The following SCN1A variants were observed in gnomAD, a reference collection of about 807,000 sequenced individuals.
The protein encoded by SCN1A is sodium voltage-gated channel alpha subunit 1.
In SCN1A, 13 loss-of-function variants were observed where a neutral mutation model predicts 193.7. The observed-to-expected ratio is 0.07, with a 90% CI of 0.04 to 0.11. The LOEUF is 0.11. SCN1A is among the 10% of genes least tolerant of loss of function. The pLI is 1.00. For missense variants in SCN1A, 1,432 were observed against 2,451.1 expected (o/e 0.58, Z 8.78); for synonymous variants, 781 against 843.6 (o/e 0.93, Z 1.29).
rs138376436 is a variant in SCN1A at position 166,037,938 on chromosome 2, T to G, written c.2784A>C (p.Gln928His). ...DCVCKIASDC[Q>H]LPRWHMNDFF... ...AGTCATTCATGTGCCAGCGTGGGAG[T>G]TGACAATCACTGGCGATCTTGCAGA... is the stretch of plus-strand genomic sequence containing the variant. The change falls in exon 18 of 29, where the codon CAA becomes CAC. Residue 928 changes from glutamine to histidine, a missense_variant. Physicochemically the swap from Gln to His is conservative, Grantham distance 24 (BLOSUM62 0). Coordinates refer to ENST00000674923, the MANE Select transcript of SCN1A (RefSeq NM_001165963.4). 8.7e-6 allele frequency: 14 copies of G among 1,613,816 alleles called. No individual in the cohort carries two copies. The African/African-American group carries it at 1.5e-4, about 17-fold the overall frequency.
chr2:166,001,887 T>C (rs1574001195), intron 24 of SCN1A, among the ~76,000 whole-genome samples: 1 of 141,660 alleles, frequency 7.1e-6, no homozygotes, highest in African/African-American at 2.6e-5. Flanking sequence ...CTCTTTTTTT[T>C]TTTTTTTTTT....
chr2:166,097,042 G>A (rs865953281), intron 2 of SCN1A, among the ~76,000 whole-genome samples: 1 of 151,274 alleles, frequency 6.6e-6, no homozygotes, highest in Middle Eastern at 3.2e-3. Flanking sequence ...TGTTTTTGGA[G>A]ACGGGGTCAG....
rs121918817 is a variant in SCN1A, at chr2:166,045,080, C to T, written c.1625G>A (p.Arg542Gln). The change falls in exon 13 of 29, where the codon CGA (arginine) becomes CAA (glutamine). Residue 542 changes from arginine to glutamine, a missense_variant. Arg to Gln is a conservative substitution (Grantham distance 43). Transcript: ENST00000674923. ...GGAGTACCTCTTTTCATATGTCAAT[C>T]GGTTCCCTTCAATGGAGAAGCGAAA... is the stretch of plus-strand genomic sequence containing the variant. ...KGFRFSIEGN[R>Q]LTYEKRYSSP... is the part of the protein sequence containing the mutation. 2,449 of 1,614,152 alleles carry T rather than the reference C, an allele frequency of 1.5e-3. 7 individuals are homozygous for T. Among genetic ancestry groups the T allele is most frequent in the Middle Eastern group, 3.3e-3 (20 of 6,062 alleles).
chr2:165,992,566 A>G lies in SCN1A; in HGVS notation c.4853-144T>C. The G allele has an allele frequency of 5.8e-5, 24 of 411,222 alleles. No individual in the cohort carries two copies. Among genetic ancestry groups the G allele is most frequent in the Non-Finnish European group, 9.2e-5 (23 of 251,070 alleles). The allele number at this position is 411,222 out of a possible 1,614,324, so 25.5% of individuals were successfully genotyped here. ...GACAACTATATATAATATATATATA[A>G]TTGTACATAATATATTATAAATCTT... On this transcript the variant is annotated intron_variant, in intron 28 of 28. Transcript: ENST00000674923. The surrounding 1 kb of genome is among the most constrained non-coding windows in gnomAD (Gnocchi z 6.5).
At chr2:166,131,169 T>C (rs1433917068), upstream of SCN1A, among the ~76,000 whole-genome samples, 2 of 152,156 alleles carry the variant, frequency 1.3e-5, no homozygotes, top group Admixed American at 6.5e-5. Context: ...TCTGCCCCCG[T>C]TGGTAAAGTT....
intron 9 of SCN1A, among the ~76,000 whole-genome samples, chr2:166,049,329 A>G (rs1339177416): frequency 1.3e-5 from 2 of 152,080 alleles, no homozygotes; most frequent in Non-Finnish European, 2.9e-5. Flanking sequence ...TTCAGTAAAA[A>G]TAGACAGGAA....
intron 11 of SCN1A, among the ~76,000 whole-genome samples, chr2:166,047,397 G>A (rs895497242): frequency 6.6e-6 from 1 of 152,096 alleles, no homozygotes; most frequent in East Asian, 1.9e-4. Context: ...GACAATCTGT[G>A]TCTGAGAAGG....
At chr2:166,035,757 G>T (rs1386710698) in intron 19 of SCN1A, among the ~76,000 whole-genome samples, 1 of 152,118 alleles carries the variant, frequency 6.6e-6, no homozygotes. Context: ...ACACTGTACG[G>T]TAAATATTGG....
intron 1 of SCN1A, among the ~76,000 whole-genome samples, chr2:166,133,479 A>G (rs547363200): frequency 3.3e-5 from 5 of 152,346 alleles, no homozygotes; most frequent in Admixed American, 6.5e-5. Flanking sequence ...TGATGAGATT[A>G]GCATTACAAT....
At chr2:166,135,398 G>T (rs2106292886) in intron 1 of SCN1A, among the ~76,000 whole-genome samples, 1 of 152,196 alleles carries the variant, frequency 6.6e-6, no homozygotes, top group African/African-American at 2.4e-5. Flanking sequence ...TTTCCCTAAA[G>T]AATTCCTGTC....
At chr2:166,144,292 T>C (rs1692214186) in intron 1 of SCN1A, among the ~76,000 whole-genome samples, 1 of 152,236 alleles carries the variant, frequency 6.6e-6, no homozygotes, top group Non-Finnish European at 1.5e-5. Flanking sequence ...TGCTATGTTC[T>C]GCATTTTCGT....
chr2:166,109,701 GATGGC>G (rs1469045432), intron 2 of SCN1A: 3 of 152,278 alleles, frequency 2.0e-5, no homozygotes, highest in African/African-American at 7.2e-5. Flanking sequence ...ATTGCTTGGG[GATGGC>G]AAGAACTGCA....
At position 165,991,139 on chromosome 2, in the gene SCN1A, ACAGT is replaced by A. The variant is rs1689068288; in HGVS notation, c.*102_*105del. On this transcript the variant is annotated 3_prime_UTR_variant, in exon 29 of 29. Coordinates refer to ENST00000674923, the MANE Select transcript of SCN1A (RefSeq NM_001165963.4). ...TGACCTTAAGGAGATTTGTGTAAAA[ACAGT>A]CAGTTTGGCATTGACCTCCTAAAGG... The A allele has an allele frequency of 3.0e-6, 3 of 993,546 alleles. No individual in the cohort carries two copies. The highest frequency in any genetic ancestry group is 3.0e-6 in the Non-Finnish European group (2 of 669,392). The allele number at this position is 993,546 out of a possible 1,614,324, so 61.5% of individuals were successfully genotyped here. A position where few individuals can be genotyped will look rare whatever the true frequency, so the allele number is the denominator to read the frequency against.
chr2:166,001,190 G>A (rs546399316), intron 24 of SCN1A, among the ~76,000 whole-genome samples: 1 of 151,706 alleles, frequency 6.6e-6, no homozygotes, highest in African/African-American at 2.4e-5. Context: ...GTCTCACTAT[G>A]TTGCCTCCAC....
chr2:166,121,684 T>C (rs1690613053), intron 2 of SCN1A, among the ~76,000 whole-genome samples: 1 of 152,194 alleles, frequency 6.6e-6, no homozygotes, highest in Non-Finnish European at 1.5e-5. Flanking sequence ...ATTTATAAAA[T>C]AACCACAACA....
intron 23 of SCN1A, among the ~76,000 whole-genome samples, chr2:166,008,679 A>G (rs1018804283): frequency 6.6e-6 from 1 of 151,134 alleles, no homozygotes; most frequent in Non-Finnish European, 1.5e-5. Context: ...AGTGACATTT[A>G]TAATAAGACT....
At chr2:166,011,604 A>T (rs1379694538) in intron 22 of SCN1A, among the ~76,000 whole-genome samples, 1 of 151,224 alleles carries the variant, frequency 6.6e-6, no homozygotes, top group Non-Finnish European at 1.5e-5. Context: ...ACTCTTTAAA[A>T]AGTTTGAGTA....
intron 2 of SCN1A, among the ~76,000 whole-genome samples, chr2:166,104,929 T>C (rs558080949): frequency 4.3e-4 from 66 of 152,284 alleles, no homozygotes; most frequent in Middle Eastern, 3.4e-3. Context: ...ATCATGGTCC[T>C]GAAAAAAGTT....
chr2:166,102,189 A>T (rs767347903), intron 2 of SCN1A, among the ~76,000 whole-genome samples: 1 of 152,252 alleles, frequency 6.6e-6, no homozygotes, highest in Non-Finnish European at 1.5e-5. Context: ...CACACCAGTC[A>T]GAATGACAAT....
Sources: allele counts gnomAD v4.1 joint callset (sites outside exome capture counted in the v4.1 genomes callset), GRCh38; gene constraint gnomAD v4.1.1; non-coding constraint Gnocchi (gnomAD v3.1); transcripts MANE v1.5; gene names NCBI Gene and HGNC (gene_info 2026-07-23, HGNC 2026-07-21).